The following TMEM232 variants were observed in gnomAD, a reference collection of about 807,000 sequenced individuals.
The protein encoded by TMEM232 is transmembrane protein 232.
TMEM232 carries 80 observed loss-of-function variants against 78.8 expected under a neutral mutation model. The ratio of observed to expected loss-of-function variants is 1.01; its 90% CI spans 0.85 to 1.22. TMEM232 has a LOEUF of 1.22. TMEM232 is among the 50% of genes most tolerant of loss of function. The probability of loss-of-function intolerance (pLI) is 0.00; values close to 1 mark genes in which losing one functional copy is unlikely to be tolerated. For synonymous variants in TMEM232, 297 were observed against 254.3 expected, an observed-to-expected ratio of 1.17 and a Z score of -1.60; for missense variants, 881 against 742.2, an observed-to-expected ratio of 1.19 and a Z score of -2.17.
At chr5:110,685,430 G>T (rs1403948849) in intron 1 of TMEM232, among the ~76,000 whole-genome samples, 1 of 151,936 alleles carries the variant, frequency 6.6e-6, no homozygotes, top group African/African-American at 2.4e-5. Flanking sequence ...TTAGTCTTTG[G>T]AAAAATTCAA....
chr5:110,687,619 T>C (rs1199319021), intron 1 of TMEM232, among the ~76,000 whole-genome samples: 1 of 152,168 alleles, frequency 6.6e-6, no homozygotes, highest in Non-Finnish European at 1.5e-5. Flanking sequence ...TATATTTATA[T>C]CTATTGTTTT....
intron 7 of TMEM232, among the ~76,000 whole-genome samples, chr5:110,623,023 A>AAATAAATAAAT (rs1199193501): frequency 3.9e-4 from 52 of 132,546 alleles, no homozygotes; most frequent in African/African-American, 1.4e-3. Context: ...AATAAATAAA[A>AAATAAATAAAT]AGAAAATTTA....
intron 1 of TMEM232, among the ~76,000 whole-genome samples, chr5:110,686,137 C>T (rs1050055003): frequency 1.3e-5 from 2 of 152,002 alleles, no homozygotes; most frequent in Non-Finnish European, 2.9e-5. Context: ...CCTTGCCACT[C>T]CCCCAAACAA....
At chr5:110,541,913 C>G (rs1376937518) in intron 11 of TMEM232, among the ~76,000 whole-genome samples, 1 of 152,118 alleles carries the variant, frequency 6.6e-6, no homozygotes, top group African/African-American at 2.4e-5. Flanking sequence ...ACCAGCAACC[C>G]TAAATCAGGC....
At position 110,434,685 on chromosome 5, in the gene TMEM232, C is replaced by A. The variant is rs373292279; in HGVS notation, c.1704-9769G>T. On this transcript the variant is annotated intron_variant, in intron 12 of 13. Coordinates refer to ENST00000455884, the MANE Select transcript of TMEM232 (RefSeq NM_001039763.4). Reference sequence around the variant, plus strand: ...ACTACAGACTAATATCTCTGATGAACATAGATAGAAAAATCCTCAGCAAAA... The same window carrying A: ...ACTACAGACTAATATCTCTGATGAAAATAGATAGAAAAATCCTCAGCAAAA... Among the ~76,000 whole-genome samples, 8 of 152,160 alleles carry A rather than the reference C, an allele frequency of 5.3e-5. No homozygotes were observed. In the East Asian group the frequency reaches 1.5e-3, roughly 29 times the overall value.
intron 12 of TMEM232, among the ~76,000 whole-genome samples, chr5:110,502,594 C>A (rs1225942393): frequency 6.6e-6 from 1 of 152,152 alleles, no homozygotes; most frequent in Non-Finnish European, 1.5e-5. Flanking sequence ...CTTCCCTTTG[C>A]ACTTAGAATA....
chr5:110,718,208 T>C (rs1299501566), intron 1 of TMEM232, among the ~76,000 whole-genome samples: 3 of 152,112 alleles, frequency 2.0e-5, no homozygotes, highest in East Asian at 1.9e-4. Flanking sequence ...ATAGACTTCA[T>C]TGGGGATATT....
chr5:110,571,309 G>T (rs960698742), intron 10 of TMEM232, among the ~76,000 whole-genome samples: 1 of 152,022 alleles, frequency 6.6e-6, no homozygotes, highest in Non-Finnish European at 1.5e-5. Context: ...AATTGAATTA[G>T]GGAAGTAGGT....
chr5:110,588,445 A>T (rs1000192701), intron 10 of TMEM232, among the ~76,000 whole-genome samples: 10 of 152,284 alleles, frequency 6.6e-5, no homozygotes, highest in Admixed American at 5.2e-4. Flanking sequence ...GAAGAAGTTA[A>T]TTATAAGCCA....
At chr5:110,661,044 A>C (rs1206969188) in intron 2 of TMEM232, among the ~76,000 whole-genome samples, 3 of 152,072 alleles carry the variant, frequency 2.0e-5, no homozygotes, top group Non-Finnish European at 4.4e-5. Flanking sequence ...CCTTTATGAG[A>C]TCAATTTATT....
chr5:110,550,782 T>G (rs1399230451), intron 11 of TMEM232, among the ~76,000 whole-genome samples: 1 of 151,748 alleles, frequency 6.6e-6, no homozygotes, highest in Non-Finnish European at 1.5e-5. Context: ...CTCTCTAGAT[T>G]CAATGAAACC....
intron 10 of TMEM232, among the ~76,000 whole-genome samples, chr5:110,591,639 G>A (rs1779547519): frequency 6.6e-6 from 1 of 151,892 alleles, no homozygotes; most frequent in Admixed American, 6.6e-5. Context: ...CCTATCCCAT[G>A]GACAGTATTC....
intron 11 of TMEM232, among the ~76,000 whole-genome samples, chr5:110,544,568 A>G (rs980357332): frequency 2.6e-5 from 4 of 152,212 alleles, no homozygotes; most frequent in African/African-American, 9.6e-5. Context: ...AAAGGAAAAA[A>G]TAATTTCAAA....
chr5:110,686,006 A>C (rs886268478), intron 1 of TMEM232, among the ~76,000 whole-genome samples: 3 of 152,038 alleles, frequency 2.0e-5, no homozygotes, highest in Non-Finnish European at 2.9e-5. Context: ...GGCATGATGG[A>C]AATATTATAT....
intron 10 of TMEM232, among the ~76,000 whole-genome samples, chr5:110,569,305 A>C (rs1045720526): frequency 6.6e-6 from 1 of 151,926 alleles, no homozygotes; most frequent in Non-Finnish European, 1.5e-5. Flanking sequence ...AGAAAGGAGA[A>C]AGACATTCCT....
intron 2 of TMEM232, among the ~76,000 whole-genome samples, chr5:110,657,253 T>A (rs1164265624): frequency 6.6e-6 from 1 of 152,226 alleles, no homozygotes; most frequent in Non-Finnish European, 1.5e-5. Context: ...ACTGGATATA[T>A]ATCCAAAGAA....
At chr5:110,612,282 C>T (rs925136932) in intron 8 of TMEM232, among the ~76,000 whole-genome samples, 16 of 152,018 alleles carry the variant, frequency 1.1e-4, no homozygotes, top group Non-Finnish European at 2.2e-4. Flanking sequence ...ATTGCTTTTT[C>T]GCTGTATGAT....
chr5:110,671,031 A>C (rs1001696004), intron 1 of TMEM232, among the ~76,000 whole-genome samples: 4 of 152,170 alleles, frequency 2.6e-5, no homozygotes, highest in Non-Finnish European at 4.4e-5. Context: ...AGACCAAAAG[A>C]AACTCATGAG....
At chr5:110,550,383 C>T (rs1397100577) in intron 11 of TMEM232, among the ~76,000 whole-genome samples, 1 of 152,028 alleles carries the variant, frequency 6.6e-6, no homozygotes, top group African/African-American at 2.4e-5. Flanking sequence ...ACATGTCCAG[C>T]ATCATCATTC....
Sources: allele counts gnomAD v4.1 joint callset (sites outside exome capture counted in the v4.1 genomes callset), GRCh38; gene constraint gnomAD v4.1.1; transcripts MANE v1.5; gene names NCBI Gene and HGNC (gene_info 2026-07-23, HGNC 2026-07-21).